UACA: variants seen among roughly 807,000 people sequenced by gnomAD.
UACA encodes the protein nuclear membrane binding protein.
Under a neutral mutation model 160.5 loss-of-function variants are expected in UACA, and 112 were observed. The ratio of observed to expected loss-of-function variants is 0.70; its 90% CI spans 0.60 to 0.82. The LOEUF is 0.82. Among genes scored for constraint, UACA ranks in the 40% least tolerant of loss-of-function variants. The probability of loss-of-function intolerance (pLI) is 0.00; values close to 1 mark genes in which losing one functional copy is unlikely to be tolerated. For synonymous variants in UACA, 557 were observed against 568.4 expected, an observed-to-expected ratio of 0.98 and a Z score of 0.29; for missense variants, 1,574 against 1,614.6, an observed-to-expected ratio of 0.97 and a Z score of 0.43.
intron 1 of UACA, among the ~76,000 whole-genome samples, chr15:70,754,468 A>G (rs2030295055): frequency 2.0e-5 from 3 of 152,130 alleles, no homozygotes; most frequent in Non-Finnish European, 4.4e-5. Context: ...ATGTTTAAAG[A>G]AGGTTAGGCT....
rs972775167 is a variant in UACA at position 70,682,320 on chromosome 15, A to G, written c.822+438T>C. On this transcript the variant is annotated intron_variant, in intron 9 of 18. Transcript: ENST00000322954. ...CAGTGGCATTGAAATCACAATATAT[A>G]ATCAGTTTAGAACTCTGTTTTCTTC... Among the ~76,000 whole-genome samples the G allele has an allele frequency of 5.3e-5, 8 of 152,308 alleles. No homozygotes were observed. The East Asian group carries it at 7.7e-4, about 15-fold the overall frequency.
intron 13 of UACA, among the ~76,000 whole-genome samples, chr15:70,673,734 TGTTAA>T (rs909812763): frequency 3.3e-5 from 5 of 152,376 alleles, no homozygotes; most frequent in African/African-American, 4.8e-5. Flanking sequence ...AATAGCTACA[TGTTAA>T]GTTATTATAC....
At chr15:70,741,169 G>A (rs778778034) in intron 1 of UACA, among the ~76,000 whole-genome samples, 1 of 152,214 alleles carries the variant, frequency 6.6e-6, no homozygotes, top group African/African-American at 2.4e-5. Context: ...AAAATGTGAG[G>A]CAAGAGCCTG....
At chr15:70,743,235 A>G (rs1243645884) in intron 1 of UACA, among the ~76,000 whole-genome samples, 1 of 152,226 alleles carries the variant, frequency 6.6e-6, no homozygotes, top group Non-Finnish European at 1.5e-5. Context: ...TGAGCCAGAG[A>G]AAACTTTATG....
chr15:70,772,516 A>AG, the UACA span, among the ~76,000 whole-genome samples: 1 of 149,120 alleles, frequency 6.7e-6, no homozygotes, highest in East Asian at 1.9e-4. Flanking sequence ...AAAAAAAAAA[A>AG]AGAATCTAGG....
At position 70,684,401 on chromosome 15, in the gene UACA, T is replaced by C. The variant is rs1282320019; in HGVS notation, c.648A>G (p.Val216=). 2 of 1,613,640 alleles carry C rather than the reference T, an allele frequency of 1.2e-6. No individual in the cohort carries two copies. The highest frequency in any genetic ancestry group is 1.7e-5 in the Admixed American group (1 of 59,962). Reference sequence around the variant, plus strand: ...CAGCACCATTTTTAATTAAGACTTCTACTGCATCTCTGCAACCATATTCGC... The same window carrying C: ...CAGCACCATTTTTAATTAAGACTTCCACTGCATCTCTGCAACCATATTCGC... The part of the protein sequence containing the change: ...LGCEYGCRDA[V]EVLIKNGADI... The change falls in exon 8 of 19, where the codon GTA becomes GTG. Residue 216 remains valine (V), a synonymous_variant. Transcript: ENST00000322954.
At chr15:70,693,148 G>A (rs1897999777) in intron 3 of UACA, among the ~76,000 whole-genome samples, 1 of 152,204 alleles carries the variant, frequency 6.6e-6, no homozygotes, top group Non-Finnish European at 1.5e-5. Context: ...GAGTGGAGAT[G>A]GTAGGGTTAG....
At chr15:70,707,702 T>C (rs1898561432) in intron 1 of UACA, among the ~76,000 whole-genome samples, 1 of 149,632 alleles carries the variant, frequency 6.7e-6, no homozygotes, top group African/African-American at 2.5e-5. Flanking sequence ...AAAAAGCAAA[T>C]CAAAACCACA....
chr15:70,678,114 C>T lies in UACA; in HGVS notation c.984G>A (p.Gln328=). Reference sequence around the variant, plus strand: ...ATTTATTTACCTCATTCAGCTGTAACTGTAAACCATTGACTTTATCCAAAA... The same window carrying T: ...ATTTATTTACCTCATTCAGCTGTAATTGTAAACCATTGACTTTATCCAAAA... ...RILLDKVNGL[Q]LQLNEEVMVA... is the part of the protein sequence containing the mutation. Residue 328 remains glutamine (Q), a synonymous_variant, in exon 11 of 19, where the codon CAG becomes CAA. Transcript: ENST00000322954. 6.2e-7 allele frequency: 1 copy of T among 1,603,380 alleles called. No homozygotes were observed. The highest frequency in any genetic ancestry group is 8.5e-7 in the Non-Finnish European group (1 of 1,176,420).
At chr15:70,698,067 T>TA (rs1285685678) in intron 2 of UACA, among the ~76,000 whole-genome samples, 14 of 151,538 alleles carry the variant, frequency 9.2e-5, no homozygotes, top group Admixed American at 7.9e-4. Context: ...AATAAAAAAA[T>TA]AAAAAAAATT....
intron 1 of UACA, among the ~76,000 whole-genome samples, chr15:70,742,452 C>T (rs114405412): frequency 0.01 from 1,545 of 152,244 alleles, 22 homozygotes; most frequent in African/African-American, 0.035. Context: ...AAGGAAAACA[C>T]ACAAGTTTTT....
At chr15:70,749,112 A>AT in intron 1 of UACA, 1 of 348,736 alleles carries the variant, frequency 2.9e-6, no homozygotes, top group South Asian at 2.3e-5. Context: ...TATTATACAT[A>AT]TATAGAGTGA....
intron 13 of UACA, 190 bp downstream of exon 13, chr15:70,676,303 C>A: frequency 2.0e-6 from 1 of 502,144 alleles, no homozygotes; most frequent in Non-Finnish European, 3.5e-6. Flanking sequence ...CTCACTTAAC[C>A]TTTATAACTA....
intron 17 of UACA, among the ~76,000 whole-genome samples, chr15:70,662,113 C>G (rs1275188220): frequency 2.0e-5 from 3 of 152,142 alleles, no homozygotes; most frequent in Admixed American, 2.0e-4. Context: ...TAGAAAACCC[C>G]ATCATCTCAG....
rs561472467 is a variant in UACA at position 70,656,988 on chromosome 15, C to T, written c.*68G>A. On this transcript the variant is annotated 3_prime_UTR_variant, in exon 19 of 19. Transcript: ENST00000322954. Reference sequence around the variant, plus strand: ...CCAGCACAGTAAGGCCCAGAAAGACCATGGAGTTGCACAAAGAATGTTCAG... The same window carrying T: ...CCAGCACAGTAAGGCCCAGAAAGACTATGGAGTTGCACAAAGAATGTTCAG... The T allele has an allele frequency of 3.9e-6, 5 of 1,295,214 alleles. No individual in the cohort carries two copies. The African/African-American group carries it at 7.3e-5, about 19-fold the overall frequency. 80.2% of individuals were successfully genotyped at this position (1,295,214 alleles called of 1,614,324 possible).
chr15:70,693,267 G>A (rs181817060), intron 3 of UACA, among the ~76,000 whole-genome samples: 3 of 152,102 alleles, frequency 2.0e-5, no homozygotes, highest in East Asian at 1.9e-4. Flanking sequence ...CTTGAGATAC[G>A]GCAGCAAAAA....
intron 1 of UACA, among the ~76,000 whole-genome samples, chr15:70,704,209 C>A (rs1201469625): frequency 6.6e-6 from 1 of 152,212 alleles, no homozygotes; most frequent in Non-Finnish European, 1.5e-5. Flanking sequence ...GAATCCACAT[C>A]TGCTTCATGA....
At chr15:70,703,386 G>GT (rs1274334285) in intron 1 of UACA, 12 of 756,572 alleles carry the variant, frequency 1.6e-5, no homozygotes, top group Admixed American at 1.5e-4. Context: ...CAAGAAATCT[G>GT]TTTCCTACTA....
chr15:70,774,854 G>A, the UACA span, among the ~76,000 whole-genome samples: 5 of 151,996 alleles, frequency 3.3e-5, no homozygotes, highest in African/African-American at 7.3e-5. Context: ...AGGAGTTCTA[G>A]ACCAACCTGG....
Sources: gnomAD v4.1 joint callset for allele counts (sites outside exome capture counted in the v4.1 genomes callset) on GRCh38, gnomAD v4.1.1 for gene constraint, MANE v1.5 for transcripts, NCBI Gene and HGNC (gene_info 2026-07-23, HGNC 2026-07-21) for gene names.